PRKX: variants seen among roughly 807,000 people sequenced by gnomAD.
PRKX encodes cAMP-dependent protein kinase catalytic subunit PRKX.
In PRKX, 12 loss-of-function variants were observed where a neutral mutation model predicts 22.0. That is an observed-to-expected ratio of 0.54 (90% CI 0.35 to 0.88). The LOEUF is 0.88. Among genes scored for constraint, PRKX ranks in the 40% least tolerant of loss-of-function variants. The pLI, the probability that PRKX is intolerant of heterozygous loss-of-function variation, is 0.01. For synonymous variants in PRKX, 134 were observed against 137.7 expected, an observed-to-expected ratio of 0.97 and a Z score of 0.19; for missense variants, 217 against 308.0, an observed-to-expected ratio of 0.70 and a Z score of 2.21.
intron 6 of PRKX, among the ~76,000 whole-genome samples, chrX:3,617,456 C>A (rs748026357): frequency 9.2e-6 from 1 of 109,200 alleles, no homozygotes; most frequent in Non-Finnish European, 1.9e-5. Flanking sequence ...CTAACCTGGG[C>A]AACAAAGTAA....
intron 1 of PRKX, among the ~76,000 whole-genome samples, chrX:3,699,639 C>T (rs1353723593): frequency 8.9e-6 from 1 of 112,468 alleles, no homozygotes; most frequent in Non-Finnish European, 1.9e-5. Flanking sequence ...CAGGAGTGAG[C>T]CACGGCGCCC....
Position 3,691,803 on chromosome X carries a change from A to T in PRKX, c.167-17037T>A, listed in dbSNP as rs1220421290. Reference sequence around the variant, plus strand: ...GAATCTCTGCCACAGACAGATAGAAAGATAGGTAGATGGGTATGATAGACA... The same window carrying T: ...GAATCTCTGCCACAGACAGATAGAATGATAGGTAGATGGGTATGATAGACA... On this transcript the variant is annotated intron_variant, in intron 1 of 8. Coordinates refer to ENST00000262848, the MANE Select transcript of PRKX (RefSeq NM_005044.5). Among the ~76,000 whole-genome samples the T allele has an allele frequency of 2.2e-4, 25 of 111,417 alleles. No homozygotes were observed. The Admixed American group carries it at 2.4e-3, about 11-fold the overall frequency.
At chrX:3,609,542 C>G (rs1184843500) in intron 8 of PRKX, among the ~76,000 whole-genome samples, 2 of 111,589 alleles carry the variant, frequency 1.8e-5, no homozygotes, top group Non-Finnish European at 1.9e-5. Context: ...GCAGCCTCAA[C>G]TTTCCAGGCC....
chrX:3,681,723 T>G (rs971958828), intron 1 of PRKX, among the ~76,000 whole-genome samples: 2 of 108,421 alleles, frequency 1.8e-5, no homozygotes, highest in African/African-American at 6.6e-5. Context: ...TTTTTTTAAA[T>G]GTACAAAGCG....
intron 1 of PRKX, among the ~76,000 whole-genome samples, chrX:3,702,819 G>A (rs774118454): frequency 2.8e-5 from 3 of 106,403 alleles, no homozygotes; most frequent in African/African-American, 6.9e-5. Flanking sequence ...TCAGCCCCCC[G>A]AATAGCTGGG....
At chrX:3,689,014 C>T (rs772588844) in intron 1 of PRKX, among the ~76,000 whole-genome samples, 1 of 111,898 alleles carries the variant, frequency 8.9e-6, no homozygotes, top group East Asian at 2.8e-4. Flanking sequence ...ACAGGTGAGG[C>T]ACAAAAACAG....
intron 2 of PRKX, among the ~76,000 whole-genome samples, chrX:3,658,995 C>T (rs1298539837): frequency 5.4e-5 from 6 of 111,335 alleles, no homozygotes; most frequent in African/African-American, 9.8e-5. Context: ...CTGGGCACGG[C>T]GGCTCAATGC....
At chrX:3,612,460 T>C in intron 7 of PRKX, 135 bp from the exon 8 acceptor site, 4 of 736,573 alleles carry the variant, frequency 5.4e-6, no homozygotes, top group Non-Finnish European at 7.4e-6. Context: ...TGTCTTCCCT[T>C]CATTTATGAA....
chrX:3,689,776 G>C (rs1488746881), intron 1 of PRKX, among the ~76,000 whole-genome samples: 2 of 111,779 alleles, frequency 1.8e-5, no homozygotes, highest in African/African-American at 6.5e-5. Flanking sequence ...AGGAGATCGA[G>C]ACCATCCTGG....
intron 6 of PRKX, among the ~76,000 whole-genome samples, chrX:3,617,347 A>T (rs1449113788): frequency 9.1e-6 from 1 of 110,342 alleles, no homozygotes; most frequent in Non-Finnish European, 1.9e-5. Context: ...TGTGTTATAT[A>T]AAGTGTGTGT....
In PRKX at chrX:3,607,023, TGA is replaced by T. The variant is rs983007021; in HGVS notation, c.*1944_*1945del. On this transcript the variant is annotated 3_prime_UTR_variant, in exon 9 of 9. Coordinates refer to ENST00000262848, the MANE Select transcript of PRKX (RefSeq NM_005044.5). Reference sequence around the variant, plus strand: ...GGCTTTCCTGATGCTAATTCTCATCTGAGTATGAAATCCTGGATAATAAAACA... The same window carrying T: ...GGCTTTCCTGATGCTAATTCTCATCTGTATGAAATCCTGGATAATAAAACA... 1 of 112,465 alleles carries T rather than the reference TGA, an allele frequency of 8.9e-6. No homozygotes were observed. Among genetic ancestry groups the T allele is most frequent in the African/African-American group, 3.2e-5 (1 of 30,947 alleles). The allele number at this position is 112,465 out of a possible 1,213,427, so 9.3% of individuals were successfully genotyped here. A position where few individuals can be genotyped will look rare whatever the true frequency, so the allele number is the denominator to read the frequency against.
chrX:3,629,795 A>G (rs1926732702), intron 4 of PRKX, among the ~76,000 whole-genome samples: 1 of 111,620 alleles, frequency 9.0e-6, no homozygotes, highest in African/African-American at 3.3e-5. Context: ...CGGGGACCAC[A>G]GGTGTGTGCC....
chrX:3,691,669 C>T (rs1928328521), intron 1 of PRKX, among the ~76,000 whole-genome samples: 1 of 111,385 alleles, frequency 9.0e-6, no homozygotes, highest in Admixed American at 9.6e-5. Flanking sequence ...CCCTGGACTC[C>T]ACCCACCTGT....
intron 1 of PRKX, among the ~76,000 whole-genome samples, chrX:3,681,863 G>A (rs1928079904): frequency 1.8e-5 from 2 of 109,996 alleles, no homozygotes; most frequent in Non-Finnish European, 3.8e-5. Context: ...GAGGCGGCCA[G>A]CAGAGAGAGA....
intron 2 of PRKX, among the ~76,000 whole-genome samples, chrX:3,671,055 G>T (rs375074587): frequency 2.0e-4 from 22 of 109,108 alleles, no homozygotes; most frequent in African/African-American, 7.0e-4. Flanking sequence ...ATTATTTTTT[G>T]AGACAAAGTC....
rs1454016590 is a variant in PRKX, at chrX:3,606,229, C to T, written c.*2740G>A. 5.3e-5 allele frequency: 6 copies of T among 112,466 alleles called. No homozygotes were observed. The highest frequency in any genetic ancestry group is 1.1e-4 in the Non-Finnish European group (6 of 53,314). The allele number at this position is 112,466 out of a possible 1,213,427, so 9.3% of individuals were successfully genotyped here. A position where few individuals can be genotyped will look rare whatever the true frequency, so the allele number is the denominator to read the frequency against. On this transcript the variant is annotated 3_prime_UTR_variant, in exon 9 of 9. Coordinates refer to ENST00000262848, the MANE Select transcript of PRKX (RefSeq NM_005044.5). ...GTAATGAATTTTCCTCCACATTTTG[C>T]GCAGTGATTGTTTGTCATGATCATC...
At chrX:3,711,979 G>A (rs1409985282) in intron 1 of PRKX, among the ~76,000 whole-genome samples, 2 of 111,840 alleles carry the variant, frequency 1.8e-5, no homozygotes, top group African/African-American at 6.5e-5. Flanking sequence ...CTTTCCTCGT[G>A]GGCCCTTCCT....
Position 3,606,273 on chromosome X carries a change from C to T in PRKX, c.*2696G>A, listed in dbSNP as rs1457361959. The T allele has an allele frequency of 8.9e-6, 1 of 112,629 alleles. No individual in the cohort carries two copies. Among genetic ancestry groups the T allele is most frequent in the African/African-American group, 3.2e-5 (1 of 31,019 alleles). 9.3% of individuals were successfully genotyped at this position (112,629 alleles called of 1,213,427 possible). On this transcript the variant is annotated 3_prime_UTR_variant, in exon 9 of 9. Transcript: ENST00000262848. ...GATCATCCATACGGACATTCTGCAC[C>T]GTGATTGTTTCGTGATCATCCATGC...
At chrX:3,682,367 A>G (rs6641838) in intron 1 of PRKX, among the ~76,000 whole-genome samples, 18,815 of 109,640 alleles carry the variant, frequency 0.17, 1,346 homozygotes, top group East Asian at 0.42. Context: ...ATACGTTGAC[A>G]TCCTAATCCT....
Sources: gnomAD v4.1 joint callset for allele counts (sites outside exome capture counted in the v4.1 genomes callset) on GRCh38, gnomAD v4.1.1 for gene constraint, MANE v1.5 for transcripts, NCBI Gene and HGNC (gene_info 2026-07-23, HGNC 2026-07-21) for gene names.